LUZP2: variants seen among roughly 807,000 people sequenced by gnomAD.
The protein encoded by LUZP2 is leucine zipper protein 2.
A neutral mutation model predicts 51.6 loss-of-function variants in LUZP2; 52 were observed. The ratio of observed to expected loss-of-function variants is 1.01; its 90% CI spans 0.81 to 1.27. LUZP2 has a LOEUF of 1.27. Ranked by LOEUF, LUZP2 falls within the 50% of genes most tolerant of loss-of-function variation. The pLI is 0.00. For synonymous variants in LUZP2, 154 were observed against 137.3 expected (o/e 1.12, Z -0.85); for missense variants, 436 against 395.4 (o/e 1.10, Z -0.87).
chr11:24,595,543 C>A (rs181082887), intron 1 of LUZP2, among the ~76,000 whole-genome samples: 2 of 152,228 alleles, frequency 1.3e-5, no homozygotes, highest in East Asian at 3.9e-4. Flanking sequence ...CAAAGTGCAC[C>A]TGTCAATTTT....
At chr11:24,897,905 G>T (rs775736788) in intron 5 of LUZP2, among the ~76,000 whole-genome samples, 1 of 151,984 alleles carries the variant, frequency 6.6e-6, no homozygotes, top group Non-Finnish European at 1.5e-5. Context: ...CTTTAACATG[G>T]ATTCCTACGC....
At chr11:24,622,097 G>A (rs546429665) in intron 1 of LUZP2, among the ~76,000 whole-genome samples, 166 of 151,828 alleles carry the variant, frequency 1.1e-3, no homozygotes, top group African/African-American at 4.0e-3. Flanking sequence ...TGTGCCACCA[G>A]GCCCAGATAA....
intron 7 of LUZP2, among the ~76,000 whole-genome samples, chr11:24,967,851 A>G (rs1855632744): frequency 6.6e-6 from 1 of 152,112 alleles, no homozygotes. Flanking sequence ...CTATCTAGAT[A>G]TTGGTTATCA....
intron 1 of LUZP2, among the ~76,000 whole-genome samples, chr11:24,558,391 T>C (rs993697936): frequency 6.6e-6 from 1 of 151,796 alleles, no homozygotes; most frequent in African/African-American, 2.4e-5. Context: ...TTTTTTTTCA[T>C]ATATCTCTAT....
intron 1 of LUZP2, among the ~76,000 whole-genome samples, chr11:24,652,318 T>C (rs1337840387): frequency 6.6e-6 from 1 of 152,160 alleles, no homozygotes; most frequent in East Asian, 1.9e-4. Flanking sequence ...CACATAGCTA[T>C]AATTTAAGAA....
intron 5 of LUZP2, among the ~76,000 whole-genome samples, chr11:24,800,109 A>ACCCG (rs1849655617): frequency 6.6e-6 from 1 of 151,800 alleles, no homozygotes; most frequent in South Asian, 2.1e-4. Context: ...TTTGCTATCC[A>ACCCG]CCCGCCCCCA....
chr11:24,529,302 T>C (rs915818792), intron 1 of LUZP2, among the ~76,000 whole-genome samples: 2 of 151,052 alleles, frequency 1.3e-5, no homozygotes, highest in African/African-American at 4.8e-5. Flanking sequence ...CATATATCCA[T>C]GTATATATTG....
intron 5 of LUZP2, among the ~76,000 whole-genome samples, chr11:24,897,363 C>A (rs2133771012): frequency 6.6e-6 from 1 of 152,310 alleles, no homozygotes; most frequent in East Asian, 1.9e-4. Flanking sequence ...TGCAATAAAT[C>A]TTGTTCTGCT....
At chr11:24,595,371 A>G (rs1853407683) in intron 1 of LUZP2, among the ~76,000 whole-genome samples, 1 of 152,126 alleles carries the variant, frequency 6.6e-6, no homozygotes, top group South Asian at 2.1e-4. Flanking sequence ...GCACTGGGGA[A>G]CTAATTGGTA....
chr11:24,602,274 A>ATG (rs1180932404), intron 1 of LUZP2, among the ~76,000 whole-genome samples: 6 of 137,530 alleles, frequency 4.4e-5, no homozygotes, highest in Non-Finnish European at 9.3e-5. Flanking sequence ...ATGTACATAC[A>ATG]TATATACACA....
At chr11:24,713,129 G>A (rs1857901508) in intron 1 of LUZP2, among the ~76,000 whole-genome samples, 1 of 152,116 alleles carries the variant, frequency 6.6e-6, no homozygotes, top group Admixed American at 6.5e-5. Context: ...AAATATCCCG[G>A]TGGTCACATT....
intron 5 of LUZP2, among the ~76,000 whole-genome samples, chr11:24,869,867 T>C (rs1445832711): frequency 6.6e-6 from 1 of 152,064 alleles, no homozygotes; most frequent in Admixed American, 6.6e-5. Flanking sequence ...AATCAAAAGC[T>C]AGGAATGTTT....
At position 24,652,023 on chromosome 11, in the gene LUZP2, A is replaced by G. The variant is rs991599904; in HGVS notation, c.63-77146A>G. 9.9e-5 allele frequency among the ~76,000 whole-genome samples: 15 copies of G among 151,830 alleles called. No individual in the cohort carries two copies. In the South Asian group the frequency reaches 2.5e-3, roughly 25 times the overall value. ...TGTGTATGTGTGTGTATGAGTGTATATATAGATATATGTGTGTACACATGT... is the reference window on the plus strand; with the variant it reads ...TGTGTATGTGTGTGTATGAGTGTATGTATAGATATATGTGTGTACACATGT... On this transcript the variant is annotated intron_variant, in intron 1 of 11. Coordinates refer to ENST00000336930, the MANE Select transcript of LUZP2 (RefSeq NM_001009909.4).
chr11:24,836,214 A>G (rs1349517402), intron 5 of LUZP2, among the ~76,000 whole-genome samples: 1 of 151,944 alleles, frequency 6.6e-6, no homozygotes, highest in African/African-American at 2.4e-5. Context: ...GCAAGTGAGA[A>G]AAATTCATAC....
intron 1 of LUZP2, among the ~76,000 whole-genome samples, chr11:24,636,837 T>G (rs1299486909): frequency 1.3e-5 from 2 of 149,442 alleles, no homozygotes; most frequent in Admixed American, 6.6e-5. Flanking sequence ...ATAAAATTTT[T>G]TACATGAGGT....
chr11:24,528,565 G>T (rs532350102), intron 1 of LUZP2, among the ~76,000 whole-genome samples: 1 of 151,368 alleles, frequency 6.6e-6, no homozygotes, highest in South Asian at 2.1e-4. Context: ...GTACAGGTTT[G>T]TTACATATGT....
intron 5 of LUZP2, among the ~76,000 whole-genome samples, chr11:24,876,278 G>C (rs2134279905): frequency 6.7e-5 from 10 of 148,770 alleles, no homozygotes; most frequent in Admixed American, 1.3e-4. Context: ...TTTTGTATAA[G>C]ATGTAAGGAA....
At chr11:25,015,695 A>G (rs1032709358) in intron 9 of LUZP2, among the ~76,000 whole-genome samples, 2 of 152,106 alleles carry the variant, frequency 1.3e-5, no homozygotes, top group East Asian at 1.9e-4. Context: ...CCAGGAATAC[A>G]TGGTATCTAC....
intron 9 of LUZP2, among the ~76,000 whole-genome samples, chr11:25,031,261 C>T (rs6484097): frequency 0.58 from 87,380 of 150,582 alleles, 26,387 homozygotes; most frequent in African/African-American, 0.76. Flanking sequence ...CCACCTGCCT[C>T]GGCATCCCAA....
Sources: gnomAD v4.1 joint callset for allele counts (sites outside exome capture counted in the v4.1 genomes callset) on GRCh38, gnomAD v4.1.1 for gene constraint, MANE v1.5 for transcripts, NCBI Gene and HGNC (gene_info 2026-07-23, HGNC 2026-07-21) for gene names.